Variants in ICE2 observed in about 807,000 individuals in gnomAD.
ICE2 encodes interactor of little elongation complex ELL subunit 2.
ICE2 carries 87 observed loss-of-function variants against 105.4 expected under a neutral mutation model. The observed-to-expected ratio is 0.83, with a 90% CI of 0.69 to 0.99. The LOEUF (loss-of-function observed/expected upper bound fraction) is 0.99. ICE2 is among the 50% of genes least tolerant of loss of function. The pLI is 0.00. For missense variants in ICE2, 1,323 were observed against 1,146.7 expected, an observed-to-expected ratio of 1.15 and a Z score of -2.22; for synonymous variants, 399 against 392.0, an observed-to-expected ratio of 1.02 and a Z score of -0.21.
At position 60,420,722 on chromosome 15, in the gene ICE2, C is replaced by G. The variant is rs1045977568; in HGVS notation, c.*2912G>C. 1 of 152,146 alleles carries G rather than the reference C, an allele frequency of 6.6e-6. No individual in the cohort carries two copies. Among genetic ancestry groups the G allele is most frequent in the Non-Finnish European group, 1.5e-5 (1 of 68,032 alleles). The allele number at this position is 152,146 out of a possible 1,614,324, so 9.4% of individuals were successfully genotyped here. On this transcript the variant is annotated 3_prime_UTR_variant, in exon 16 of 16. Transcript: ENST00000261520. ...CCTACTATTTTTAAAAGACTCAGCT[C>G]AAGTTCTATCTCAGAAAACCTTAAC...
intron 12 of ICE2, chr15:60,440,165 G>C (rs537041219): frequency 6.6e-6 from 1 of 152,258 alleles, no homozygotes; most frequent in Non-Finnish European, 1.5e-5. Context: ...GACATGACTG[G>C]TCACTGATCA....
At chr15:60,453,228 T>C (rs908993612) in intron 9 of ICE2, 33 of 1,006,508 alleles carry the variant, frequency 3.3e-5, no homozygotes, top group South Asian at 4.2e-5. Context: ...TGAGGTTCCA[T>C]CTCAAAAAAA....
rs1276182270 is a variant in ICE2, at chr15:60,466,577, G to T, written c.528+17C>A. The T allele has an allele frequency of 1.2e-6, 2 of 1,608,206 alleles. No homozygotes were observed. The highest frequency in any genetic ancestry group is 1.7e-6 in the Non-Finnish European group (2 of 1,179,104). On this transcript the variant is annotated intron_variant, in intron 5 of 15. Transcript: ENST00000261520. ...CTATCACTTCGCAATTTACACAAAT[G>T]TGAGTTGTTTTTTTACCTCTGTGAA...
Position 60,477,932 on chromosome 15 carries a change from C to G in ICE2, c.41+5G>C. ...TCAGTGGATTACAAAGTGGCTACAA[C>G]TCACCAATTCAGTCCTGGTTCACTT... On this transcript the variant is annotated splice_donor_5th_base_variant and intron_variant, in intron 2 of 15. Transcript: ENST00000261520. The G allele has an allele frequency of 6.2e-7, 1 of 1,613,496 alleles. No individual in the cohort carries two copies. The highest frequency in any genetic ancestry group is 8.5e-7 in the Non-Finnish European group (1 of 1,179,398).
chr15:60,438,611 T>C (rs1254145670), intron 12 of ICE2: 2 of 152,252 alleles, frequency 1.3e-5, no homozygotes, highest in East Asian at 3.8e-4. Context: ...TAATAGTTCT[T>C]ACCTTTTGAA....
intron 13 of ICE2, 100 bp downstream of exon 13, chr15:60,436,043 A>G: frequency 1.9e-6 from 1 of 526,612 alleles, no homozygotes; most frequent in South Asian, 3.5e-5. Flanking sequence ...AAAAAGACTA[A>G]AAGTCTTGAA....
intron 11 of ICE2, chr15:60,445,871 GAGATAGCA>G (rs751561519): frequency 7.2e-5 from 45 of 626,196 alleles, no homozygotes; most frequent in Middle Eastern, 1.6e-3. Context: ...ATAAATCAGA[GAGATAGCA>G]AGAATCAAAG....
At chr15:60,436,107 A>C (rs759002337) in intron 13 of ICE2, 36 bp downstream of exon 13, 5 of 860,388 alleles carry the variant, frequency 5.8e-6, no homozygotes, top group African/African-American at 1.8e-5. Context: ...ACATTAACAA[A>C]TTTTTCAATT....
chr15:60,430,921 C>A (rs2063443249), intron 14 of ICE2, among the ~76,000 whole-genome samples: 1 of 152,134 alleles, frequency 6.6e-6, no homozygotes, highest in Non-Finnish European at 1.5e-5. Context: ...GTCGCCCAGG[C>A]TGGAGTGCAG....
intron 15 of ICE2, among the ~76,000 whole-genome samples, chr15:60,427,373 C>T (rs532190135): frequency 5.9e-5 from 9 of 152,264 alleles, no homozygotes; most frequent in East Asian, 3.9e-4. Context: ...TATACTGGAT[C>T]GTGTCCTGAA....
chr15:60,445,804 T>C (rs1425640215), intron 11 of ICE2: 6 of 984,646 alleles, frequency 6.1e-6, no homozygotes, highest in African/African-American at 3.5e-5. Context: ...GAAAAAGAAA[T>C]ACAAAGTGGT....
chr15:60,428,697 C>G lies in ICE2; in HGVS notation c.2562-10G>C. The G allele has an allele frequency of 6.2e-7, 1 of 1,610,402 alleles. No individual in the cohort carries two copies. Among genetic ancestry groups the G allele is most frequent in the Non-Finnish European group, 8.5e-7 (1 of 1,177,074 alleles). On this transcript the variant is annotated splice_polypyrimidine_tract_variant and intron_variant, in intron 14 of 15. Transcript: ENST00000261520. ...GGAACCCTCCTGCAAGCTAAATTCACACAATGAAACTCAACCCACTGGCTC... is the reference window on the plus strand; with the variant it reads ...GGAACCCTCCTGCAAGCTAAATTCAGACAATGAAACTCAACCCACTGGCTC...
rs946373949 is a variant in ICE2, at chr15:60,421,385, C to T, written c.*2249G>A. On this transcript the variant is annotated 3_prime_UTR_variant, in exon 16 of 16. Transcript: ENST00000261520. The stretch of plus-strand genomic sequence containing the variant: ...CTGCTAAACATATTGTCAGTTACTT[C>T]TTGGCTTATAAATTCTCAGTACTAA... 3 of 152,024 alleles carry T rather than the reference C, an allele frequency of 2.0e-5. No homozygotes were observed. The highest frequency in any genetic ancestry group is 4.4e-5 in the Non-Finnish European group (3 of 68,006). The allele number at this position is 152,024 out of a possible 1,614,324, so 9.4% of individuals were successfully genotyped here. A position where few individuals can be genotyped will look rare whatever the true frequency, so the allele number is the denominator to read the frequency against.
At chr15:60,443,539 C>T (rs779975557) in intron 11 of ICE2, among the ~76,000 whole-genome samples, 4 of 152,152 alleles carry the variant, frequency 2.6e-5, no homozygotes, top group Non-Finnish European at 5.9e-5. Flanking sequence ...CCTTGAACTA[C>T]GTGCATGTGA....
At chr15:60,463,266 G>T (rs2064330333) in intron 5 of ICE2, among the ~76,000 whole-genome samples, 1 of 152,136 alleles carries the variant, frequency 6.6e-6, no homozygotes, top group Admixed American at 6.6e-5. Context: ...AAATGTATGA[G>T]AATTTTCTTA....
intron 3 of ICE2, among the ~76,000 whole-genome samples, chr15:60,474,473 G>A (rs1486280175): frequency 6.6e-6 from 1 of 151,998 alleles, no homozygotes; most frequent in Admixed American, 6.6e-5. Flanking sequence ...CCCAACTATA[G>A]AATACAATAC....
In ICE2 at chr15:60,423,558, T is replaced by C. The variant is rs1171675856; in HGVS notation, c.*76A>G. On this transcript the variant is annotated 3_prime_UTR_variant, in exon 16 of 16. Coordinates refer to ENST00000261520, the MANE Select transcript of ICE2 (RefSeq NM_024611.6). ...AAAAATGTTCCTCTTGCCTACTGAT[T>C]ATTTTCCCTCAAACTTATCTAAATT... 8 of 1,388,856 alleles carry C rather than the reference T, an allele frequency of 5.8e-6. No individual in the cohort carries two copies. Among genetic ancestry groups the C allele is most frequent in the Non-Finnish European group, 7.7e-6 (8 of 1,039,590 alleles). The allele number at this position is 1,388,856 out of a possible 1,614,324, so 86.0% of individuals were successfully genotyped here.
chr15:60,433,991 T>C (rs1273348708), intron 13 of ICE2, among the ~76,000 whole-genome samples: 2 of 152,026 alleles, frequency 1.3e-5, no homozygotes, highest in Non-Finnish European at 2.9e-5. Context: ...TAAAAAACAA[T>C]GTCAAGCCTG....
chr15:60,425,937 A>G (rs2063330364), intron 15 of ICE2, among the ~76,000 whole-genome samples: 1 of 152,178 alleles, frequency 6.6e-6, no homozygotes, highest in Non-Finnish European at 1.5e-5. Context: ...TAGATCACCA[A>G]AAACTTTCCA....
Sources: gnomAD v4.1 joint callset for allele counts (sites outside exome capture counted in the v4.1 genomes callset) on GRCh38, gnomAD v4.1.1 for gene constraint, MANE v1.5 for transcripts, NCBI Gene and HGNC (gene_info 2026-07-23, HGNC 2026-07-21) for gene names.